The following KDM7A variants were observed in gnomAD, a reference collection of about 807,000 sequenced individuals.
KDM7A encodes the protein lysine demethylase 7A, also known as lysine-specific demethylase 7A.
KDM7A carries 28 observed loss-of-function variants against 114.8 expected under a neutral mutation model. The ratio of observed to expected loss-of-function variants is 0.24; its 90% CI spans 0.18 to 0.33. The LOEUF (loss-of-function observed/expected upper bound fraction) is 0.33. Ranked by LOEUF, KDM7A falls within the 10% of genes least tolerant of loss-of-function variation. KDM7A has a pLI of 1.00. For missense variants in KDM7A, 942 were observed against 1,142.5 expected (o/e 0.82, Z 2.53); for synonymous variants, 423 against 397.8 (o/e 1.06, Z -0.75).
chr7:140,171,295 C>T (rs1159354687), intron 1 of KDM7A, among the ~76,000 whole-genome samples: 1 of 133,896 alleles, frequency 7.5e-6, no homozygotes, highest in South Asian at 2.3e-4. Context: ...CCCATCTCTA[C>T]TAAAAATACA....
chr7:140,089,791 T>G lies in KDM7A; in HGVS notation c.*1303A>C, dbSNP rs541321731. ...TATGTACTGGTCAGGTTAGGATAGA[T>G]GGAAGAAACTGCCAAAAGCACCCAT... is the stretch of plus-strand genomic sequence containing the variant. On this transcript the variant is annotated 3_prime_UTR_variant, in exon 20 of 20. Transcript: ENST00000397560. The G allele has an allele frequency of 5.9e-5, 9 of 152,186 alleles. No individual in the cohort carries two copies. The highest frequency in any genetic ancestry group is 1.3e-4 in the Non-Finnish European group (9 of 68,028). 9.4% of individuals were successfully genotyped at this position (152,186 alleles called of 1,614,324 possible). A position where few individuals can be genotyped will look rare whatever the true frequency, so the allele number is the denominator to read the frequency against.
chr7:140,152,647 C>T (rs557525999), intron 1 of KDM7A, among the ~76,000 whole-genome samples: 1 of 151,278 alleles, frequency 6.6e-6, no homozygotes, highest in African/African-American at 2.4e-5. Flanking sequence ...AGAAATCCAA[C>T]ACAATTACAA....
intron 1 of KDM7A, among the ~76,000 whole-genome samples, chr7:140,142,543 A>G (rs1039444627): frequency 5.3e-5 from 8 of 152,190 alleles, no homozygotes; most frequent in African/African-American, 9.6e-5. Flanking sequence ...TGGGGGAAAT[A>G]TAAGTTAAAA....
chr7:140,108,682 C>T (rs1818383808), intron 11 of KDM7A, among the ~76,000 whole-genome samples: 1 of 152,352 alleles, frequency 6.6e-6, no homozygotes, highest in Middle Eastern at 3.4e-3. Context: ...TCGGCCCTTA[C>T]TGGGAGGTGT....
Position 140,096,752 on chromosome 7 carries a change from G to A in KDM7A, c.2177C>T (p.Thr726Ile). 1 of 1,613,872 alleles carries A rather than the reference G, an allele frequency of 6.2e-7. No individual in the cohort carries two copies. The highest frequency in any genetic ancestry group is 8.5e-7 in the Non-Finnish European group (1 of 1,179,788). The change falls in exon 17 of 20, where the codon ACC (threonine) becomes ATC (isoleucine). Residue 726 changes from threonine to isoleucine, a missense_variant. Coordinates refer to ENST00000397560, the MANE Select transcript of KDM7A (RefSeq NM_030647.2). ...AGCTTCTTCCTCTGTGCTCGTCGAGGTAGGACATTCCCTAAAGAAGAGATG... is the reference window on the plus strand; with the variant it reads ...AGCTTCTTCCTCTGTGCTCGTCGAGATAGGACATTCCCTAAAGAAGAGATG... ...SEIPIKRECPTSTSTEEEAIQ... is the reference protein window; with the variant it reads ...SEIPIKRECPISTSTEEEAIQ...
intron 4 of KDM7A, among the ~76,000 whole-genome samples, chr7:140,129,141 T>A (rs933302847): frequency 6.6e-6 from 1 of 152,236 alleles, no homozygotes; most frequent in African/African-American, 2.4e-5. Context: ...ATTTTGCACC[T>A]GTATTCTACA....
At position 140,111,097 on chromosome 7, in the gene KDM7A, C is replaced by T; in HGVS notation, c.1426G>A (p.Glu476Lys). 6.4e-7 allele frequency: 1 copy of T among 1,555,540 alleles called. No individual in the cohort carries two copies. The highest frequency in any genetic ancestry group is 8.9e-7 in the Non-Finnish European group (1 of 1,129,040). The change falls in exon 11 of 20, where the codon GAG becomes AAG. Residue 476 changes from glutamate to lysine, a missense_variant and splice_region_variant. Coordinates refer to ENST00000397560, the MANE Select transcript of KDM7A (RefSeq NM_030647.2). ...KELSKVIRAI[E>K]EENGKPVKSQ... ...TACATGACAGTTTCCACTCTTACCT[C>T]TATTGCTCGAATTACTTTAGAAAGT...
At chr7:140,093,673 T>C (rs1205749376) in intron 18 of KDM7A, among the ~76,000 whole-genome samples, 1 of 152,240 alleles carries the variant, frequency 6.6e-6, no homozygotes, top group Non-Finnish European at 1.5e-5. Context: ...AATCTGTAAC[T>C]TTCATCAAAT....
intron 1 of KDM7A, among the ~76,000 whole-genome samples, chr7:140,145,987 T>C (rs985424234): frequency 5.3e-4 from 81 of 152,348 alleles, no homozygotes; most frequent in African/African-American, 1.8e-3. Context: ...CAATGATGTA[T>C]GAGTTCCTCT....
intron 16 of KDM7A, 55 bp downstream of exon 16, chr7:140,096,844 G>A (rs1818122930): frequency 1.3e-6 from 2 of 1,588,418 alleles, no homozygotes; most frequent in African/African-American, 1.4e-5. Context: ...TAAAAAAAGT[G>A]TTCATAGTAT....
At position 140,166,969 on chromosome 7, in the gene KDM7A, A is replaced by T. The variant is rs539934023; in HGVS notation, c.194+9775T>A. On this transcript the variant is annotated intron_variant, in intron 1 of 19. Transcript: ENST00000397560. ...CAAACAATAACCAACAGCAAACAAT[A>T]ACCAACAGCAAACAAATGGTAAAGA... is the stretch of plus-strand genomic sequence containing the variant. 9.2e-5 allele frequency among the ~76,000 whole-genome samples: 14 copies of T among 152,340 alleles called. 1 individual carries two copies. The South Asian group carries it at 1.2e-3, about 14-fold the overall frequency.
At chr7:140,099,123 T>G in intron 13 of KDM7A, 90 bp from the exon 14 acceptor site, 1 of 976,464 alleles carries the variant, frequency 1.0e-6, no homozygotes, top group Non-Finnish European at 1.5e-6. Flanking sequence ...TTACAAAGAG[T>G]AGAGAATTGA....
At chr7:140,169,644 G>A (rs1383404509) in intron 1 of KDM7A, among the ~76,000 whole-genome samples, 1 of 152,090 alleles carries the variant, frequency 6.6e-6, no homozygotes, top group African/African-American at 2.4e-5. Context: ...TCCTGCCTCA[G>A]CCTCCCGGAT....
intron 10 of KDM7A, among the ~76,000 whole-genome samples, chr7:140,112,592 C>G (rs546022745): frequency 6.6e-6 from 1 of 150,766 alleles, no homozygotes; most frequent in South Asian, 2.1e-4. Flanking sequence ...GCCTGGGCAA[C>G]AGATTAAGAC....
chr7:140,097,746 ATC>A, intron 14 of KDM7A, 104 bp from the exon 15 acceptor site: 1 of 655,530 alleles, frequency 1.5e-6, no homozygotes, highest in Non-Finnish European at 2.8e-6. Flanking sequence ...ATGTCTCTCA[ATC>A]TCTCTTGCTC....
chr7:140,104,643 T>C (rs1336236217), intron 11 of KDM7A, among the ~76,000 whole-genome samples: 1 of 152,218 alleles, frequency 6.6e-6, no homozygotes, highest in Non-Finnish European at 1.5e-5. Context: ...TTCTGTTCCA[T>C]TGGTCTGTAT....
intron 9 of KDM7A, among the ~76,000 whole-genome samples, chr7:140,116,771 A>G (rs1017180100): frequency 6.6e-6 from 1 of 152,250 alleles, no homozygotes; most frequent in Admixed American, 6.5e-5. Context: ...AATCTAAAAC[A>G]AACAAAATAT....
intron 14 of KDM7A, among the ~76,000 whole-genome samples, chr7:140,098,483 A>G (rs1818151698): frequency 6.6e-6 from 1 of 152,232 alleles, no homozygotes; most frequent in East Asian, 1.9e-4. Flanking sequence ...GCTTCAGATT[A>G]GCTAATCATA....
chr7:140,133,698 G>A (rs761120601), intron 2 of KDM7A, 42 bp from the exon 3 acceptor site: 4 of 1,058,868 alleles, frequency 3.8e-6, no homozygotes, highest in Non-Finnish European at 5.8e-6. Context: ...TTTGGTAACT[G>A]GTGATACTAT....
Sources: gnomAD v4.1 joint callset for allele counts (sites outside exome capture counted in the v4.1 genomes callset) on GRCh38, gnomAD v4.1.1 for gene constraint, MANE v1.5 for transcripts, NCBI Gene and HGNC (gene_info 2026-07-23, HGNC 2026-07-21) for gene names.